Variants in PLCB4 observed in about 807,000 individuals in gnomAD.
The protein encoded by PLCB4 is phospholipase C beta 4, also known as 1-phosphatidylinositol 4,5-bisphosphate phosphodiesterase beta-4.
Under a neutral mutation model 178.8 loss-of-function variants are expected in PLCB4, and 77 were observed. The ratio of observed to expected loss-of-function variants is 0.43; its 90% confidence interval spans 0.36 to 0.52. The LOEUF is 0.52. PLCB4 is among the 20% of genes least tolerant of loss of function. The pLI is 0.00. For synonymous variants in PLCB4, 496 were observed against 490.8 expected, an observed-to-expected ratio of 1.01 and a Z score of -0.14; for missense variants, 1,024 against 1,453.4, an observed-to-expected ratio of 0.70 and a Z score of 4.80.
chr20:9,074,916 T>C (rs1389834480), intron 1 of PLCB4, among the ~76,000 whole-genome samples: 1 of 151,528 alleles, frequency 6.6e-6, no homozygotes, highest in Admixed American at 6.6e-5. Flanking sequence ...GTCTCTGGTG[T>C]TCAGGGGCAG....
At chr20:9,445,412 T>G (rs75863810) in intron 32 of PLCB4, among the ~76,000 whole-genome samples, 3 of 152,224 alleles carry the variant, frequency 2.0e-5, no homozygotes, top group African/African-American at 7.2e-5. Context: ...GAACTTGGCT[T>G]GAGTGATGTA....
intron 2 of PLCB4, among the ~76,000 whole-genome samples, chr20:9,144,713 GGGA>G (rs2092562024): frequency 4.1e-5 from 3 of 72,540 alleles, no homozygotes; most frequent in African/African-American, 2.1e-4. Context: ...GGGGAAGAAG[GGGA>G]AGAAGGGGAA....
At chr20:9,167,494 T>C (rs988486248) in intron 2 of PLCB4, among the ~76,000 whole-genome samples, 3 of 152,202 alleles carry the variant, frequency 2.0e-5, no homozygotes, top group African/African-American at 7.2e-5. Context: ...TATTTTCAAG[T>C]CTCTTTTCCT....
intron 3 of PLCB4, among the ~76,000 whole-genome samples, chr20:9,260,279 C>T (rs1430990312): frequency 2.0e-5 from 3 of 152,036 alleles, no homozygotes; most frequent in Non-Finnish European, 4.4e-5. Context: ...AATGCATTTC[C>T]TCCTTCTACT....
At chr20:9,441,244 G>A (rs2042083967) in intron 30 of PLCB4, among the ~76,000 whole-genome samples, 1 of 152,160 alleles carries the variant, frequency 6.6e-6, no homozygotes, top group South Asian at 2.1e-4. Context: ...TGAGAGGTCT[G>A]TTCTTTTGTA....
chr20:9,241,273 A>C (rs1281583546), intron 3 of PLCB4, among the ~76,000 whole-genome samples: 1 of 152,056 alleles, frequency 6.6e-6, no homozygotes, highest in Admixed American at 6.6e-5. Flanking sequence ...TTGCCCATTT[A>C]CACACCTCCC....
At chr20:9,145,036 T>G (rs1240846460) in intron 2 of PLCB4, among the ~76,000 whole-genome samples, 1 of 152,148 alleles carries the variant, frequency 6.6e-6, no homozygotes, top group Non-Finnish European at 1.5e-5. Context: ...AAGGCTTTTT[T>G]GGTTTTAAAC....
At chr20:9,078,032 A>T (rs2146497954) in intron 1 of PLCB4, among the ~76,000 whole-genome samples, 1 of 152,180 alleles carries the variant, frequency 6.6e-6, no homozygotes, top group African/African-American at 2.4e-5. Context: ...CTCAGGCTAG[A>T]GTGTAGTGAT....
chr20:9,368,116 A>G (rs2035934867), intron 9 of PLCB4, among the ~76,000 whole-genome samples: 1 of 152,228 alleles, frequency 6.6e-6, no homozygotes, highest in Admixed American at 6.5e-5. Context: ...GAAGTTTCTA[A>G]AATGGAAACT....
intron 2 of PLCB4, among the ~76,000 whole-genome samples, chr20:9,185,930 T>C (rs965155668): frequency 6.6e-6 from 1 of 152,204 alleles, no homozygotes; most frequent in African/African-American, 2.4e-5. Flanking sequence ...CCGTTCTCTA[T>C]TTTTGCTTTT....
intron 1 of PLCB4, among the ~76,000 whole-genome samples, chr20:9,085,867 A>AC (rs1280255120): frequency 2.0e-5 from 3 of 152,316 alleles, no homozygotes; most frequent in African/African-American, 7.2e-5. Context: ...GCACAGACTT[A>AC]CCCATGGGAA....
chr20:9,479,117 A>C lies in PLCB4; in HGVS notation c.*108A>C. The stretch of plus-strand genomic sequence containing the variant: ...TTCCTTTATGTGTAAACAAGATGAT[A>C]TCTGAAACCAGAGAGACTTGGAATG... On this transcript the variant is annotated 3_prime_UTR_variant, in exon 40 of 40. Coordinates refer to ENST00000378473, the MANE Select transcript of PLCB4 (RefSeq NM_001377142.1). 1 of 757,384 alleles carries C rather than the reference A, an allele frequency of 1.3e-6. No homozygotes were observed. Among genetic ancestry groups the C allele is most frequent in the South Asian group, 1.6e-5 (1 of 62,992 alleles). 46.9% of individuals were successfully genotyped at this position (757,384 alleles called of 1,614,324 possible). A position where few individuals can be genotyped will look rare whatever the true frequency, so the allele number is the denominator to read the frequency against.
intron 2 of PLCB4, among the ~76,000 whole-genome samples, chr20:9,103,729 T>C (rs2091265412): frequency 6.6e-6 from 1 of 152,218 alleles, no homozygotes; most frequent in Non-Finnish European, 1.5e-5. Flanking sequence ...CATTTACTAC[T>C]TTGTACTAGA....
chr20:9,080,734 T>C (rs746845979), intron 1 of PLCB4, among the ~76,000 whole-genome samples: 3 of 152,182 alleles, frequency 2.0e-5, no homozygotes, highest in Non-Finnish European at 4.4e-5. Flanking sequence ...ACCCCCAATT[T>C]ACTGAAGACT....
chr20:9,347,892 T>G (rs559614158), intron 7 of PLCB4, among the ~76,000 whole-genome samples: 2 of 152,326 alleles, frequency 1.3e-5, no homozygotes, highest in East Asian at 1.9e-4. Context: ...GAGAATCGCT[T>G]GAACCCAAGA....
intron 32 of PLCB4, among the ~76,000 whole-genome samples, chr20:9,449,488 A>G (rs2042619712): frequency 6.6e-6 from 1 of 152,162 alleles, no homozygotes; most frequent in Non-Finnish European, 1.5e-5. Context: ...TGGAGAGTAG[A>G]TGGGTCAGTC....
At chr20:9,113,268 G>T (rs1456135433) in intron 2 of PLCB4, among the ~76,000 whole-genome samples, 1 of 152,152 alleles carries the variant, frequency 6.6e-6, no homozygotes, top group Non-Finnish European at 1.5e-5. Flanking sequence ...TGCTGCTTTA[G>T]CTCATGGGCA....
At chr20:9,266,888 C>T (rs554771019) in intron 3 of PLCB4, among the ~76,000 whole-genome samples, 1 of 152,154 alleles carries the variant, frequency 6.6e-6, no homozygotes, top group Non-Finnish European at 1.5e-5. Context: ...CATTAAACTG[C>T]AAAATGTATG....
At chr20:9,141,201 T>C (rs2146871760) in intron 2 of PLCB4, among the ~76,000 whole-genome samples, 1 of 152,284 alleles carries the variant, frequency 6.6e-6, no homozygotes, top group East Asian at 1.9e-4. Context: ...GGCTGAACTT[T>C]GTGACCATTG....
Sources: gnomAD v4.1 joint callset for allele counts (sites outside exome capture counted in the v4.1 genomes callset) on GRCh38, gnomAD v4.1.1 for gene constraint, MANE v1.5 for transcripts, NCBI Gene and HGNC (gene_info 2026-07-23, HGNC 2026-07-21) for gene names.